Variants in CRACDL observed in about 807,000 individuals in gnomAD.
The protein encoded by CRACDL is CRACD-like protein.
A neutral mutation model predicts 70.6 loss-of-function variants in CRACDL; 26 were observed. The observed-to-expected ratio is 0.37, with a 90% CI of 0.27 to 0.51. The LOEUF is 0.51. Ranked by LOEUF, CRACDL falls within the 20% of genes least tolerant of loss-of-function variation. The pLI is 0.94. For synonymous variants in CRACDL, 618 were observed against 615.2 expected, an observed-to-expected ratio of 1.00 and a Z score of -0.07; for missense variants, 1,283 against 1,376.9, an observed-to-expected ratio of 0.93 and a Z score of 1.08.
chr2:98,853,359 A>G (rs558421681), intron 1 of CRACDL, among the ~76,000 whole-genome samples: 29 of 152,336 alleles, frequency 1.9e-4, no homozygotes, highest in Admixed American at 1.6e-3. Flanking sequence ...AAAACAAAGA[A>G]CAACCCAATA....
chr2:98,909,728 T>C (rs1573186245), intron 1 of CRACDL, among the ~76,000 whole-genome samples: 1 of 152,154 alleles, frequency 6.6e-6, no homozygotes, highest in East Asian at 1.9e-4. Context: ...TTAGCACACC[T>C]CAAGCCACCT....
At chr2:98,796,507 G>C (rs527513764) in intron 8 of CRACDL, among the ~76,000 whole-genome samples, 19 of 152,212 alleles carry the variant, frequency 1.2e-4, no homozygotes, top group Non-Finnish European at 7.3e-5. Context: ...CCCACACCTG[G>C]CCTCAGTGCC....
At chr2:98,804,039 A>G (rs866382570) in intron 7 of CRACDL, among the ~76,000 whole-genome samples, 12 of 152,158 alleles carry the variant, frequency 7.9e-5, no homozygotes, top group African/African-American at 2.9e-4. Context: ...ATCTGTTGTC[A>G]GTCTTGACTC....
At chr2:98,841,742 C>G (rs548791363) in intron 2 of CRACDL, among the ~76,000 whole-genome samples, 56 of 152,224 alleles carry the variant, frequency 3.7e-4, no homozygotes, top group African/African-American at 1.3e-3. Flanking sequence ...TACATTTTTT[C>G]CTAGGTATAA....
intron 1 of CRACDL, among the ~76,000 whole-genome samples, chr2:98,851,891 T>C (rs1706496178): frequency 6.6e-6 from 1 of 152,094 alleles, no homozygotes; most frequent in Non-Finnish European, 1.5e-5. Context: ...AAAGCAGAAA[T>C]TAAAGTGGAA....
At chr2:98,818,054 C>G (rs1027541035) in intron 7 of CRACDL, among the ~76,000 whole-genome samples, 1 of 152,254 alleles carries the variant, frequency 6.6e-6, no homozygotes, top group East Asian at 1.9e-4. Context: ...TCTAATCCTG[C>G]GTGCAGAAGC....
In CRACDL at chr2:98,794,044, CCT is replaced by C. The variant is rs1188905421; in HGVS notation, c.*486_*487del. 1 of 152,734 alleles carries C rather than the reference CCT, an allele frequency of 6.5e-6. No homozygotes were observed. Among genetic ancestry groups the C allele is most frequent in the Non-Finnish European group, 1.5e-5 (1 of 68,156 alleles). 9.5% of individuals were successfully genotyped at this position (152,734 alleles called of 1,614,324 possible). On this transcript the variant is annotated 3_prime_UTR_variant, in exon 10 of 10. Transcript: ENST00000397899. Reference sequence around the variant, plus strand: ...TATAGCTGCTCTTGGAAACGGCATCCCTGTTTTGCCATGAATGTCATGCCTCG... The same window carrying C: ...TATAGCTGCTCTTGGAAACGGCATCCGTTTTGCCATGAATGTCATGCCTCG...
intron 1 of CRACDL, among the ~76,000 whole-genome samples, chr2:98,926,349 T>C (rs1573209371): frequency 7.1e-6 from 1 of 141,400 alleles, no homozygotes; most frequent in Non-Finnish European, 1.5e-5. Flanking sequence ...GGGAAGGCTG[T>C]CCACTCCACC....
intron 1 of CRACDL, among the ~76,000 whole-genome samples, chr2:98,880,294 T>C (rs4851168): frequency 0.04 from 6,155 of 152,228 alleles, 329 homozygotes; most frequent in East Asian, 0.13. Flanking sequence ...AACAAGGACA[T>C]TGGAGAATTC....
chr2:98,803,470 TCATAA>T (rs934466400), intron 7 of CRACDL, among the ~76,000 whole-genome samples: 2 of 152,240 alleles, frequency 1.3e-5, no homozygotes, highest in Non-Finnish European at 2.9e-5. Flanking sequence ...CTTTTTCTTT[TCATAA>T]CATTTCTTTC....
chr2:98,885,943 A>G (rs1707787919), intron 1 of CRACDL, among the ~76,000 whole-genome samples: 1 of 152,104 alleles, frequency 6.6e-6, no homozygotes, highest in African/African-American at 2.4e-5. Flanking sequence ...GTCAGAATGA[A>G]CTTTGTCAGA....
At chr2:98,824,759 A>C (rs1048663956) in intron 6 of CRACDL, among the ~76,000 whole-genome samples, 1 of 152,170 alleles carries the variant, frequency 6.6e-6, no homozygotes, top group African/African-American at 2.4e-5. Flanking sequence ...TCTGCTTGCT[A>C]ATAGAATATA....
chr2:98,855,748 G>T (rs942112654), intron 1 of CRACDL, among the ~76,000 whole-genome samples: 1 of 152,136 alleles, frequency 6.6e-6, no homozygotes, highest in South Asian at 2.1e-4. Context: ...TAAAAGAAGG[G>T]ATGATTACAG....
At chr2:98,840,386 C>G (rs934716889) in intron 2 of CRACDL, among the ~76,000 whole-genome samples, 1 of 152,084 alleles carries the variant, frequency 6.6e-6, no homozygotes, top group African/African-American at 2.4e-5. Context: ...TGAACCCATT[C>G]AAATCTGTTG....
In CRACDL at chr2:98,838,133, G is replaced by C. The variant is rs557426694; in HGVS notation, c.225C>G (p.Ser75=). 6.2e-7 allele frequency: 1 copy of C among 1,606,002 alleles called. No homozygotes were observed. The highest frequency in any genetic ancestry group is 1.1e-5 in the South Asian group (1 of 89,622). Residue 75 remains serine (S), a synonymous_variant, in exon 3 of 10, where the codon TCC becomes TCG. Transcript: ENST00000397899. The part of the protein sequence containing the change: ...AIESGPVGYD[S]EDELEESRGT... ...ATGCAACTTACTCCAGCTCATCCTCGGAGTCGTAGCCCACTGGCCCGGATT... is the reference window on the plus strand; with the variant it reads ...ATGCAACTTACTCCAGCTCATCCTCCGAGTCGTAGCCCACTGGCCCGGATT...
chr2:98,926,370 G>A (rs910121267), intron 1 of CRACDL, among the ~76,000 whole-genome samples: 4 of 152,216 alleles, frequency 2.6e-5, no homozygotes, highest in African/African-American at 9.6e-5. Flanking sequence ...TCAACTGAGA[G>A]GGGGCTGGGC....
intron 1 of CRACDL, among the ~76,000 whole-genome samples, chr2:98,871,581 A>G (rs927553724): frequency 6.6e-6 from 1 of 152,222 alleles, no homozygotes; most frequent in Non-Finnish European, 1.5e-5. Context: ...TGAGTGACCA[A>G]GCAAGCTACA....
At chr2:98,927,221 C>A (rs1037570549) in intron 1 of CRACDL, among the ~76,000 whole-genome samples, 14 of 152,196 alleles carry the variant, frequency 9.2e-5, no homozygotes, top group Non-Finnish European at 1.8e-4. Flanking sequence ...CAGGTGGGAC[C>A]CTCCCTGGTG....
intron 1 of CRACDL, among the ~76,000 whole-genome samples, chr2:98,912,258 A>G (rs1392481954): frequency 6.6e-6 from 1 of 152,232 alleles, no homozygotes; most frequent in Non-Finnish European, 1.5e-5. Flanking sequence ...GCAGTTCGCA[A>G]AGAGTGAAAG....
Sources: allele counts gnomAD v4.1 joint callset (sites outside exome capture counted in the v4.1 genomes callset), GRCh38; gene constraint gnomAD v4.1.1; transcripts MANE v1.5; gene names NCBI Gene and HGNC (gene_info 2026-07-23, HGNC 2026-07-21).